Variants in PDE8A observed in about 807,000 individuals in gnomAD.
PDE8A encodes the protein high affinity cAMP-specific and IBMX-insensitive 3',5'-cyclic phosphodiesterase 8A.
PDE8A carries 59 observed loss-of-function variants against 105.0 expected under a neutral mutation model. The ratio of observed to expected loss-of-function variants is 0.56; its 90% CI spans 0.46 to 0.70. The LOEUF is 0.70. PDE8A is among the 30% of genes least tolerant of loss of function. PDE8A has a pLI of 0.00. For synonymous variants in PDE8A, 355 were observed against 371.9 expected (o/e 0.95, Z 0.52); for missense variants, 1,014 against 1,045.9 (o/e 0.97, Z 0.42).
At chr15:85,115,539 T>C (rs774533712) in intron 15 of PDE8A, 52 bp downstream of exon 15, 1 of 865,028 alleles carries the variant, frequency 1.2e-6, no homozygotes, top group East Asian at 2.7e-5. Context: ...TACTGCAGTC[T>C]AGCTTAAGTG....
chr15:85,001,900 G>C (rs1050748707), intron 1 of PDE8A, among the ~76,000 whole-genome samples: 3 of 152,142 alleles, frequency 2.0e-5, no homozygotes, highest in Non-Finnish European at 4.4e-5. Context: ...AGTACTTTGT[G>C]CATGAACTAA....
chr15:85,129,015 G>T (rs1280896052), intron 20 of PDE8A, among the ~76,000 whole-genome samples: 2 of 152,166 alleles, frequency 1.3e-5, no homozygotes, highest in Non-Finnish European at 2.9e-5. Context: ...TACCATTTTA[G>T]ATCTGGGTTT....
In PDE8A at chr15:85,138,419, T is replaced by TAA. The variant is rs1567312308; in HGVS notation, c.*517_*518dup. ...AAAATTAAAATTTGAACTTGATTAT[T>TAA]AATATCAATTAAAATGTTTTATTTA... is the stretch of plus-strand genomic sequence containing the variant. On this transcript the variant is annotated 3_prime_UTR_variant, in exon 22 of 22. Coordinates refer to ENST00000394553, the MANE Select transcript of PDE8A (RefSeq NM_002605.3). 2 of 152,622 alleles carry TAA rather than the reference T, an allele frequency of 1.3e-5. No homozygotes were observed. The highest frequency in any genetic ancestry group is 2.9e-5 in the Non-Finnish European group (2 of 68,056). 9.5% of individuals were successfully genotyped at this position (152,622 alleles called of 1,614,324 possible).
intron 1 of PDE8A, among the ~76,000 whole-genome samples, chr15:85,016,735 TTAGTA>T (rs1337106516): frequency 6.6e-6 from 1 of 152,220 alleles, no homozygotes; most frequent in Non-Finnish European, 1.5e-5. Context: ...TATTTACAAA[TTAGTA>T]TAGGGAGAAC....
chr15:85,049,197 G>T (rs187128860), intron 1 of PDE8A, among the ~76,000 whole-genome samples: 1 of 152,108 alleles, frequency 6.6e-6, no homozygotes, highest in Non-Finnish European at 1.5e-5. Context: ...TACACATAAC[G>T]TAAAATATAC....
At chr15:85,068,653 C>A (rs1448920261) in intron 3 of PDE8A, among the ~76,000 whole-genome samples, 1 of 151,960 alleles carries the variant, frequency 6.6e-6, no homozygotes, top group African/African-American at 2.4e-5. Context: ...TGGAATGTTG[C>A]AAGGCAGTAG....
chr15:85,060,099 T>A (rs2081120384), intron 1 of PDE8A, among the ~76,000 whole-genome samples: 1 of 152,236 alleles, frequency 6.6e-6, no homozygotes, highest in Non-Finnish European at 1.5e-5. Flanking sequence ...TTTTCTGTCT[T>A]CCATTTCTTT....
chr15:85,084,930 G>A (rs1241401729), intron 6 of PDE8A, among the ~76,000 whole-genome samples: 1 of 152,112 alleles, frequency 6.6e-6, no homozygotes, highest in African/African-American at 2.4e-5. Flanking sequence ...TTTGGAATCT[G>A]TCCACTTAAT....
At chr15:85,036,075 CAT>C (rs1371312764) in intron 1 of PDE8A, among the ~76,000 whole-genome samples, 3 of 152,166 alleles carry the variant, frequency 2.0e-5, no homozygotes, top group African/African-American at 4.8e-5. Flanking sequence ...GATTGAAAAA[CAT>C]ATTTTAAAAC....
At chr15:85,038,214 GGGGT>G (rs1406707553) in intron 1 of PDE8A, among the ~76,000 whole-genome samples, 5,084 of 144,216 alleles carry the variant, frequency 0.035, 151 homozygotes, top group African/African-American at 0.089. Context: ...CTCCAATTGG[GGGGT>G]GTGTGTGTGT....
intron 1 of PDE8A, among the ~76,000 whole-genome samples, chr15:85,035,705 A>G (rs1352946669): frequency 2.2e-5 from 2 of 90,812 alleles, no homozygotes; most frequent in African/African-American, 1.2e-4. Context: ...GGAGTTTTTG[A>G]TGGAAGTTCT....
chr15:85,083,262 A>G (rs1487113096), intron 5 of PDE8A, among the ~76,000 whole-genome samples: 4 of 152,216 alleles, frequency 2.6e-5, no homozygotes, highest in African/African-American at 9.6e-5. Context: ...TGTCAGTGAC[A>G]TGAAAACAAC....
At chr15:85,021,015 A>G (rs906377855) in intron 1 of PDE8A, among the ~76,000 whole-genome samples, 1 of 152,204 alleles carries the variant, frequency 6.6e-6, no homozygotes, top group African/African-American at 2.4e-5. Flanking sequence ...GTTGAAACCT[A>G]ATCACTAATG....
intron 11 of PDE8A, 66 bp downstream of exon 11, chr15:85,100,264 C>G: frequency 1.5e-6 from 2 of 1,339,072 alleles, no homozygotes; most frequent in Non-Finnish European, 2.1e-6. Flanking sequence ...AAAAACAGAT[C>G]TTTAACTAGC....
rs140218343 is a variant in PDE8A at position 85,120,668 on chromosome 15, C to T, written c.1735-129C>T. 2.6e-3 allele frequency: 1,633 copies of T among 640,148 alleles called. 3 individuals carry two copies. Among genetic ancestry groups the T allele is most frequent in the Non-Finnish European group, 4.0e-3 (1,452 of 363,190 alleles). 39.7% of individuals were successfully genotyped at this position (640,148 alleles called of 1,614,324 possible). ...GAGATAGGAAAACTAGATTTGCTCA[C>T]GTAGTATGCTTTTCTTAGAAATCTG... On this transcript the variant is annotated intron_variant, in intron 17 of 21. Coordinates refer to ENST00000394553, the MANE Select transcript of PDE8A (RefSeq NM_002605.3).
intron 12 of PDE8A, among the ~76,000 whole-genome samples, chr15:85,110,531 T>C (rs1028823882): frequency 2.0e-5 from 3 of 152,196 alleles, no homozygotes; most frequent in African/African-American, 7.2e-5. Context: ...TTGTGCCTCA[T>C]AGAATTGGAA....
chr15:85,003,111 T>C (rs908727666), intron 1 of PDE8A, among the ~76,000 whole-genome samples: 1 of 152,198 alleles, frequency 6.6e-6, no homozygotes, highest in Non-Finnish European at 1.5e-5. Flanking sequence ...CATTCTAAAC[T>C]AGCTGAAGCC....
At chr15:85,075,944 A>G in intron 4 of PDE8A, 26 bp downstream of exon 4, 1 of 1,304,718 alleles carries the variant, frequency 7.7e-7, no homozygotes. Context: ...TTTAATGTTG[A>G]AATTGAGGTA....
chr15:85,122,650 TAAAAGC>T (rs2082199446), intron 18 of PDE8A, among the ~76,000 whole-genome samples: 1 of 152,168 alleles, frequency 6.6e-6, no homozygotes, highest in Non-Finnish European at 1.5e-5. Flanking sequence ...AGTACTAAAA[TAAAAGC>T]AAGGGTTAGA....
Sources: allele counts gnomAD v4.1 joint callset (sites outside exome capture counted in the v4.1 genomes callset), GRCh38; gene constraint gnomAD v4.1.1; transcripts MANE v1.5; gene names NCBI Gene and HGNC (gene_info 2026-07-23, HGNC 2026-07-21).